Variants in ZNF385D observed in about 807,000 individuals in gnomAD.
The protein encoded by ZNF385D is zinc finger protein 659.
ZNF385D carries 15 observed loss-of-function variants against 35.8 expected under a neutral mutation model. The observed-to-expected ratio is 0.42, with a 90% CI of 0.28 to 0.64. The LOEUF (loss-of-function observed/expected upper bound fraction) is 0.64, where lower values mean the gene tolerates loss of function less well. ZNF385D is among the 30% of genes least tolerant of loss of function. The pLI is 0.23. For missense variants in ZNF385D, 474 were observed against 494.6 expected, an observed-to-expected ratio of 0.96 and a Z score of 0.39; for synonymous variants, 212 against 186.8, an observed-to-expected ratio of 1.13 and a Z score of -1.10.
intron 3 of ZNF385D, among the ~76,000 whole-genome samples, chr3:22,074,129 G>A (rs752832107): frequency 6.6e-6 from 1 of 151,844 alleles, no homozygotes; most frequent in Non-Finnish European, 1.5e-5. Flanking sequence ...GTACCTGTAA[G>A]ATGAAGACAT....
At chr3:22,149,791 C>A (rs1020842133) in intron 3 of ZNF385D, among the ~76,000 whole-genome samples, 1 of 152,152 alleles carries the variant, frequency 6.6e-6, no homozygotes, top group Admixed American at 6.6e-5. Flanking sequence ...AAAGACAATG[C>A]GCTTTTCTCA....
At chr3:21,649,870 CTT>C (rs2065861656) in intron 2 of ZNF385D, among the ~76,000 whole-genome samples, 1 of 152,046 alleles carries the variant, frequency 6.6e-6, no homozygotes, top group Admixed American at 6.6e-5. Context: ...TTGCTTGTCT[CTT>C]TATAAATTAT....
chr3:22,078,193 C>CCTTT (rs140966622), intron 3 of ZNF385D, among the ~76,000 whole-genome samples: 4,559 of 152,006 alleles, frequency 0.03, 109 homozygotes, highest in Non-Finnish European at 0.045. Context: ...TTAACAAACA[C>CCTTT]CTTTTTAAAA....
intron 3 of ZNF385D, among the ~76,000 whole-genome samples, chr3:21,851,193 G>A (rs1696363013): frequency 6.6e-6 from 1 of 151,906 alleles, no homozygotes; most frequent in African/African-American, 2.4e-5. Context: ...AAAAGTAAGT[G>A]AAATAAAAAA....
At chr3:21,848,991 G>C (rs1696198147) in intron 3 of ZNF385D, among the ~76,000 whole-genome samples, 1 of 151,974 alleles carries the variant, frequency 6.6e-6, no homozygotes, top group African/African-American at 2.4e-5. Context: ...ACCTATTTGA[G>C]ACTTCTTTCT....
Position 22,002,999 on chromosome 3 carries a change from C to G in ZNF385D, c.325+165818G>C, listed in dbSNP as rs566033867. ...AATGGGGAAAAGCTGGAAGCCTTTT[C>G]TCTAAGAACTAGAATAAGAAAAGGA... On this transcript the variant is annotated intron_variant, in intron 3 of 5. Coordinates refer to the ZNF385D transcript ENST00000494108. 3.1e-4 allele frequency among the ~76,000 whole-genome samples: 47 copies of G among 152,274 alleles called. No individual in the cohort carries two copies. The South Asian group carries it at 9.3e-3, about 30-fold the overall frequency.
chr3:22,224,032 C>A (rs6781830), intron 2 of ZNF385D, among the ~76,000 whole-genome samples: 54,494 of 151,904 alleles, frequency 0.36, 10,168 homozygotes, highest in African/African-American at 0.46. Flanking sequence ...TAATACATTA[C>A]AGTATGAAAA....
chr3:21,740,572 G>T (rs1039049152), intron 1 of ZNF385D, among the ~76,000 whole-genome samples: 2 of 152,122 alleles, frequency 1.3e-5, no homozygotes, highest in African/African-American at 2.4e-5. Context: ...CATTAGGGAT[G>T]TTCACTGTGG....
chr3:21,810,472 T>C (rs962045033), intron 3 of ZNF385D, among the ~76,000 whole-genome samples: 1 of 152,130 alleles, frequency 6.6e-6, no homozygotes, highest in Non-Finnish European at 1.5e-5. Context: ...TGTATACATA[T>C]GTATCAAACC....
At chr3:22,020,187 AT>A (rs1429777045) in intron 3 of ZNF385D, among the ~76,000 whole-genome samples, 1 of 151,886 alleles carries the variant, frequency 6.6e-6, no homozygotes, top group Non-Finnish European at 1.5e-5. Context: ...ATGACAAGGA[AT>A]TCTTAAAGTG....
chr3:22,138,748 T>C (rs1318944917), intron 3 of ZNF385D, among the ~76,000 whole-genome samples: 5 of 152,106 alleles, frequency 3.3e-5, no homozygotes, highest in Non-Finnish European at 4.4e-5. Flanking sequence ...ATTCAGGACA[T>C]AGGCATGGGC....
chr3:21,733,982 G>A (rs895276620), intron 1 of ZNF385D, among the ~76,000 whole-genome samples: 1 of 151,814 alleles, frequency 6.6e-6, no homozygotes, highest in Non-Finnish European at 1.5e-5. Context: ...TAATTATTAT[G>A]TTTTTTTGGT....
At chr3:21,724,477 C>CAAAAAAAAA (rs200803155) in intron 1 of ZNF385D, among the ~76,000 whole-genome samples, 17 of 51,994 alleles carry the variant, frequency 3.3e-4, no homozygotes, top group East Asian at 4.3e-4. Flanking sequence ...AATGGAAAGC[C>CAAAAAAAAA]AAAAAAAAAA....
At chr3:21,468,877 C>T (rs1162936467) in intron 4 of ZNF385D, among the ~76,000 whole-genome samples, 2 of 151,934 alleles carry the variant, frequency 1.3e-5, no homozygotes, top group Non-Finnish European at 2.9e-5. Flanking sequence ...TGCAGTGAAC[C>T]GAGATCGTGC....
chr3:22,270,384 A>C (rs9822772), intron 2 of ZNF385D, among the ~76,000 whole-genome samples: 9,522 of 152,036 alleles, frequency 0.063, 789 homozygotes, highest in African/African-American at 0.19. Flanking sequence ...ATAATAGAGA[A>C]GCCTGTCTGT....
chr3:22,206,421 C>T (rs1697158118), intron 2 of ZNF385D, among the ~76,000 whole-genome samples: 1 of 151,888 alleles, frequency 6.6e-6, no homozygotes, highest in South Asian at 2.1e-4. Flanking sequence ...GCACTACAGA[C>T]CAAATGGACC....
At chr3:21,569,412 T>C (rs540369670) in intron 2 of ZNF385D, among the ~76,000 whole-genome samples, 1 of 149,388 alleles carries the variant, frequency 6.7e-6, no homozygotes, top group African/African-American at 2.5e-5. Context: ...TTCCATTTGC[T>C]TGGTAGATCT....
chr3:21,787,983 G>A (rs75046123), intron 3 of ZNF385D, among the ~76,000 whole-genome samples: 12,525 of 88,120 alleles, frequency 0.14, 319 homozygotes, highest in Non-Finnish European at 0.15. Flanking sequence ...AAAAAAAAAA[G>A]AGAGAGAGAG....
At chr3:21,967,522 C>T (rs960402582) in intron 3 of ZNF385D, among the ~76,000 whole-genome samples, 13 of 152,166 alleles carry the variant, frequency 8.5e-5, no homozygotes, top group African/African-American at 2.7e-4. Flanking sequence ...ACAGCTGGTC[C>T]TAAAGGGCCA....
Sources: allele counts gnomAD v4.1 joint callset (sites outside exome capture counted in the v4.1 genomes callset), GRCh38; gene constraint gnomAD v4.1.1; transcripts MANE v1.5; gene names NCBI Gene and HGNC (gene_info 2026-07-23, HGNC 2026-07-21).